SPAG16: variants seen among roughly 807,000 people sequenced by gnomAD.
SPAG16 encodes the protein sperm associated antigen 16.
Under a neutral mutation model 80.4 loss-of-function variants are expected in SPAG16, and 86 were observed. The ratio of observed to expected loss-of-function variants is 1.07; its 90% CI spans 0.90 to 1.28. The LOEUF (loss-of-function observed/expected upper bound fraction) is 1.28, where lower values mean the gene tolerates loss of function less well. Among genes scored for constraint, SPAG16 ranks in the 50% most tolerant of loss-of-function variants. SPAG16 has a pLI of 0.00. For missense variants in SPAG16, 870 were observed against 765.3 expected, an observed-to-expected ratio of 1.14 and a Z score of -1.61; for synonymous variants, 294 against 265.9, an observed-to-expected ratio of 1.11 and a Z score of -1.03.
chr2:213,764,970 T>G (rs759085395), intron 10 of SPAG16, among the ~76,000 whole-genome samples: 1 of 152,248 alleles, frequency 6.6e-6, no homozygotes, highest in Admixed American at 6.5e-5. Context: ...AGTGCTCTTC[T>G]GTCACATGAA....
chr2:213,439,528 G>T (rs1323277048), intron 9 of SPAG16, among the ~76,000 whole-genome samples: 1 of 152,206 alleles, frequency 6.6e-6, no homozygotes. Flanking sequence ...AGCAGAACTT[G>T]TAAATGATGA....
chr2:213,393,706 T>G (rs909037914), intron 9 of SPAG16, among the ~76,000 whole-genome samples: 2 of 152,070 alleles, frequency 1.3e-5, no homozygotes, highest in Non-Finnish European at 2.9e-5. Flanking sequence ...TCAAACCAGT[T>G]GAATATATTT....
intron 10 of SPAG16, among the ~76,000 whole-genome samples, chr2:213,490,804 A>C (rs1249408492): frequency 6.6e-6 from 1 of 152,176 alleles, no homozygotes; most frequent in Non-Finnish European, 1.5e-5. Flanking sequence ...AGAGTCCCAA[A>C]TTTATGTAAT....
intron 11 of SPAG16, among the ~76,000 whole-genome samples, chr2:213,918,610 C>T (rs2078072577): frequency 1.3e-5 from 2 of 152,154 alleles, no homozygotes; most frequent in Non-Finnish European, 1.5e-5. Context: ...TTTCCCTGCA[C>T]AAATTCTCTC....
chr2:213,739,916 T>A (rs1053383276), intron 10 of SPAG16, among the ~76,000 whole-genome samples: 1 of 152,224 alleles, frequency 6.6e-6, no homozygotes, highest in Non-Finnish European at 1.5e-5. Context: ...TCTCTGCATA[T>A]CCTTTGAAAA....
intron 12 of SPAG16, among the ~76,000 whole-genome samples, chr2:213,955,565 C>T (rs1172102846): frequency 1.3e-5 from 2 of 152,070 alleles, no homozygotes; most frequent in Non-Finnish European, 2.9e-5. Flanking sequence ...ATAATAGTAC[C>T]ACACTGTCTT....
At chr2:213,672,671 A>G (rs1038278557) in intron 10 of SPAG16, among the ~76,000 whole-genome samples, 5 of 151,990 alleles carry the variant, frequency 3.3e-5, no homozygotes, top group African/African-American at 1.2e-4. Context: ...GTTTCTAATC[A>G]TATTTCCAAC....
intron 10 of SPAG16, among the ~76,000 whole-genome samples, chr2:213,680,946 G>C (rs2064346901): frequency 6.6e-6 from 1 of 152,188 alleles, no homozygotes; most frequent in African/African-American, 2.4e-5. Context: ...TTTATCTGAA[G>C]AACTAGGATC....
chr2:213,596,146 T>C (rs535214828), intron 10 of SPAG16, among the ~76,000 whole-genome samples: 13 of 152,264 alleles, frequency 8.5e-5, no homozygotes, highest in Non-Finnish European at 1.5e-4. Flanking sequence ...TACATTTTAA[T>C]TTAATAAGCA....
chr2:213,944,798 AGGAT>A (rs2079367397), intron 12 of SPAG16, among the ~76,000 whole-genome samples: 1 of 152,142 alleles, frequency 6.6e-6, no homozygotes, highest in African/African-American at 2.4e-5. Flanking sequence ...TTTGGTCATG[AGGAT>A]GGAGCCCTCT....
chr2:214,066,673 C>G (rs1444270544), intron 13 of SPAG16, among the ~76,000 whole-genome samples: 1 of 151,752 alleles, frequency 6.6e-6, no homozygotes, highest in Non-Finnish European at 1.5e-5. Context: ...AAAAAACACT[C>G]AATAAACTCA....
intron 10 of SPAG16, among the ~76,000 whole-genome samples, chr2:213,622,562 G>T (rs1463519812): frequency 1.3e-5 from 2 of 152,180 alleles, no homozygotes; most frequent in Non-Finnish European, 2.9e-5. Context: ...TTTCTGTGCG[G>T]TGAGCAGCAG....
chr2:214,031,718 T>G (rs2125052568), intron 13 of SPAG16, among the ~76,000 whole-genome samples: 1 of 151,468 alleles, frequency 6.6e-6, no homozygotes, highest in South Asian at 2.1e-4. Flanking sequence ...TTTTACAGGC[T>G]CTATAGGAAG....
chr2:214,113,055 A>G (rs1369316298), intron 14 of SPAG16, among the ~76,000 whole-genome samples: 1 of 152,098 alleles, frequency 6.6e-6, no homozygotes, highest in African/African-American at 2.4e-5. Context: ...TTGTCTGTAA[A>G]GGATTTTATT....
intron 7 of SPAG16, among the ~76,000 whole-genome samples, chr2:213,361,896 A>T (rs2066001170): frequency 6.6e-6 from 1 of 151,828 alleles, no homozygotes; most frequent in Admixed American, 6.6e-5. Flanking sequence ...ATTACCTCCC[A>T]AGCATTTCTG....
At chr2:213,549,129 T>C (rs2076707344) in intron 10 of SPAG16, among the ~76,000 whole-genome samples, 1 of 152,078 alleles carries the variant, frequency 6.6e-6, no homozygotes, top group Non-Finnish European at 1.5e-5. Flanking sequence ...AATTTTAATA[T>C]GACCAATTTT....
At chr2:214,324,053 T>A (rs536347644) in intron 15 of SPAG16, among the ~76,000 whole-genome samples, 4 of 152,308 alleles carry the variant, frequency 2.6e-5, no homozygotes, top group Middle Eastern at 6.8e-3. Context: ...CTTTAATTAA[T>A]GAATGCATGG....
chr2:213,782,573 A>C (rs186827772), intron 10 of SPAG16, among the ~76,000 whole-genome samples: 2 of 152,324 alleles, frequency 1.3e-5, no homozygotes, highest in Admixed American at 1.3e-4. Flanking sequence ...AGGTAGGTGG[A>C]ACTGAAGGTT....
intron 9 of SPAG16, among the ~76,000 whole-genome samples, chr2:213,468,457 ATATC>A (rs1486679786): frequency 4.8e-5 from 6 of 125,694 alleles, no homozygotes; most frequent in African/African-American, 2.1e-4. Context: ...ATAGATATAT[ATATC>A]TCTATGTATT....
Sources: gnomAD v4.1 joint callset for allele counts (sites outside exome capture counted in the v4.1 genomes callset) on GRCh38, gnomAD v4.1.1 for gene constraint, MANE v1.5 for transcripts, NCBI Gene and HGNC (gene_info 2026-07-23, HGNC 2026-07-21) for gene names.